Variants in CSGALNACT1 observed in about 807,000 individuals in gnomAD.
CSGALNACT1 encodes chondroitin sulfate N-acetylgalactosaminyltransferase 1.
A neutral mutation model predicts 51.0 loss-of-function variants in CSGALNACT1; 52 were observed. That is an observed-to-expected ratio of 1.02 (90% CI 0.82 to 1.29). The LOEUF is 1.29. CSGALNACT1 is among the 50% of genes most tolerant of loss of function. CSGALNACT1 has a pLI of 0.00. For synonymous variants in CSGALNACT1, 341 were observed against 254.4 expected (o/e 1.34, Z -3.24); for missense variants, 935 against 679.2 (o/e 1.38, Z -4.19).
intron 1 of CSGALNACT1, among the ~76,000 whole-genome samples, chr8:19,702,633 T>G (rs1190250875): frequency 6.6e-6 from 1 of 152,146 alleles, no homozygotes; most frequent in African/African-American, 2.4e-5. Context: ...AAGCACTGGT[T>G]GTCCCCTGCA....
At chr8:19,756,803 A>G (rs961115884) in intron 1 of CSGALNACT1, among the ~76,000 whole-genome samples, 4 of 152,100 alleles carry the variant, frequency 2.6e-5, no homozygotes, top group Non-Finnish European at 5.9e-5. Flanking sequence ...TGGAAAGGCT[A>G]CTTTTCAGTG....
intron 1 of CSGALNACT1, among the ~76,000 whole-genome samples, chr8:19,727,153 G>T (rs2063444691): frequency 6.6e-6 from 1 of 152,274 alleles, no homozygotes; most frequent in East Asian, 1.9e-4. Flanking sequence ...TTATCGGGAA[G>T]AGATGTGATT....
At chr8:19,498,715 C>G (rs1250419515) in intron 4 of CSGALNACT1, among the ~76,000 whole-genome samples, 2 of 152,228 alleles carry the variant, frequency 1.3e-5, no homozygotes, top group African/African-American at 4.8e-5. Context: ...TCCAGATAAA[C>G]TCAAGTTCCT....
At position 19,715,073 on chromosome 8, in the gene CSGALNACT1, G is replaced by A. The variant is rs540679311; in HGVS notation, c.-297+42777C>T. On this transcript the variant is annotated intron_variant, in intron 1 of 1. Coordinates refer to the CSGALNACT1 transcript ENST00000517494. ...TGGACTTATAGTTCCACATGGCCGG[G>A]GAAGCCTCAGAATCATGGTGGGAGG... is the stretch of plus-strand genomic sequence containing the variant. 5.3e-5 allele frequency among the ~76,000 whole-genome samples: 8 copies of A among 152,264 alleles called. No homozygotes were observed. In the South Asian group the frequency reaches 6.2e-4, roughly 12 times the overall value.
rs2059979797 is a variant in CSGALNACT1, at chr8:19,673,940, A to G, written c.-544+8533T>C. On this transcript the variant is annotated intron_variant, in intron 1 of 9. Coordinates refer to the CSGALNACT1 transcript ENST00000332246. ...AATATATTACTGAAAAGATAAATGC[A>G]GAGAACTTGTCATCTAAGAGCTTAG... 2.6e-5 allele frequency among the ~76,000 whole-genome samples: 4 copies of G among 152,320 alleles called. No homozygotes were observed. In the South Asian group the frequency reaches 8.3e-4, roughly 32 times the overall value.
rs369234991 is a variant in CSGALNACT1, at chr8:19,515,262, C to A, written c.-296-9132G>T. On this transcript the variant is annotated intron_variant, in intron 3 of 9. Transcript: ENST00000454498. ...CTGTCAGGCCATGTGACCAAACTGC[C>A]GGGACTCCACCCACAACCCACTTCC... 7.9e-5 allele frequency among the ~76,000 whole-genome samples: 12 copies of A among 152,276 alleles called. 1 individual carries two copies. The East Asian group carries it at 1.4e-3, about 17-fold the overall frequency.
chr8:19,495,437 T>C (rs988894684), intron 4 of CSGALNACT1, among the ~76,000 whole-genome samples: 5 of 152,206 alleles, frequency 3.3e-5, no homozygotes, highest in African/African-American at 1.2e-4. Context: ...GTATGGCATT[T>C]ATAGGGCTGT....
chr8:19,727,589 G>T (rs7843101), intron 1 of CSGALNACT1, among the ~76,000 whole-genome samples: 8 of 152,072 alleles, frequency 5.3e-5, no homozygotes, highest in African/African-American at 1.9e-4. Context: ...GGGCTGAAGC[G>T]ATCCAACCGC....
intron 1 of CSGALNACT1, among the ~76,000 whole-genome samples, chr8:19,656,541 G>A (rs73670906): frequency 0.026 from 3,912 of 150,876 alleles, 189 homozygotes; most frequent in African/African-American, 0.091. Context: ...AAACACACAC[G>A]TGTACGCGCA....
chr8:19,655,560 A>G (rs375886923), intron 1 of CSGALNACT1, among the ~76,000 whole-genome samples: 61,794 of 132,626 alleles, frequency 0.47, 13,450 homozygotes, highest in Middle Eastern at 0.52. Context: ...ACATATATAT[A>G]CACACACACA....
At chr8:19,530,844 G>A (rs1162986670) in intron 3 of CSGALNACT1, among the ~76,000 whole-genome samples, 4 of 152,214 alleles carry the variant, frequency 2.6e-5, no homozygotes, top group Non-Finnish European at 4.4e-5. Context: ...AGAGTCACAC[G>A]AAATGAGCAA....
chr8:19,675,115 G>T (rs2060081978), intron 1 of CSGALNACT1, among the ~76,000 whole-genome samples: 1 of 152,158 alleles, frequency 6.6e-6, no homozygotes. Context: ...TCTGAGAGTT[G>T]CCAATAGGGT....
chr8:19,471,113 C>G (rs951301706), intron 4 of CSGALNACT1, among the ~76,000 whole-genome samples: 3 of 150,660 alleles, frequency 2.0e-5, no homozygotes, highest in Non-Finnish European at 4.4e-5. Context: ...AACAACAAAA[C>G]AAAAGGAGAG....
chr8:19,527,164 C>T (rs2081886786), intron 3 of CSGALNACT1, among the ~76,000 whole-genome samples: 1 of 152,154 alleles, frequency 6.6e-6, no homozygotes, highest in South Asian at 2.1e-4. Context: ...AATCAATCAA[C>T]TAACTGCTAG....
chr8:19,512,301 G>A (rs1484480294), intron 3 of CSGALNACT1, among the ~76,000 whole-genome samples: 1 of 152,176 alleles, frequency 6.6e-6, no homozygotes, highest in African/African-American at 2.4e-5. Flanking sequence ...GCTTGAAAAT[G>A]CGTTCTGCAG....
At chr8:19,507,997 T>G (rs2077704873) in intron 3 of CSGALNACT1, among the ~76,000 whole-genome samples, 1 of 152,254 alleles carries the variant, frequency 6.6e-6, no homozygotes, top group South Asian at 2.1e-4. Context: ...CCTTTGCCAT[T>G]TTATAAAAAC....
At chr8:19,712,687 G>A (rs1244447584) in intron 1 of CSGALNACT1, among the ~76,000 whole-genome samples, 11 of 152,184 alleles carry the variant, frequency 7.2e-5, no homozygotes. Flanking sequence ...AAAATGCAGT[G>A]CCTTCCTGGC....
intron 2 of CSGALNACT1, among the ~76,000 whole-genome samples, chr8:19,595,461 G>T (rs1191770079): frequency 1.3e-5 from 2 of 151,932 alleles, no homozygotes; most frequent in East Asian, 1.9e-4. Context: ...ACATTTAAGG[G>T]TAAACACTAA....
chr8:19,443,250 G>C (rs193045602), intron 5 of CSGALNACT1, among the ~76,000 whole-genome samples: 1 of 152,316 alleles, frequency 6.6e-6, no homozygotes, highest in African/African-American at 2.4e-5. Context: ...GTAAACGCAG[G>C]TGTGTATGTG....
Sources: gnomAD v4.1 joint callset for allele counts (sites outside exome capture counted in the v4.1 genomes callset) on GRCh38, gnomAD v4.1.1 for gene constraint, MANE v1.5 for transcripts, NCBI Gene and HGNC (gene_info 2026-07-23, HGNC 2026-07-21) for gene names.